MAGI2: variants seen among roughly 807,000 people sequenced by gnomAD.
MAGI2 encodes the protein membrane-associated guanylate kinase, WW and PDZ domain-containing protein 2.
A neutral mutation model predicts 133.3 loss-of-function variants in MAGI2; 35 were observed. That is an observed-to-expected ratio of 0.26 (90% CI 0.20 to 0.35). The LOEUF is 0.35. Among genes scored for constraint, MAGI2 ranks in the 10% least tolerant of loss-of-function variants. The pLI is 1.00. For missense variants in MAGI2, 1,636 were observed against 1,863.4 expected (o/e 0.88, Z 2.25); for synonymous variants, 729 against 710.6 (o/e 1.03, Z -0.41).
intron 21 of MAGI2, among the ~76,000 whole-genome samples, chr7:78,031,649 G>A (rs1242705498): frequency 6.6e-6 from 1 of 152,140 alleles, no homozygotes; most frequent in Non-Finnish European, 1.5e-5. Flanking sequence ...CTAGAATCGT[G>A]TTCTTCTTCT....
At chr7:79,309,094 T>C (rs1165432069) in intron 1 of MAGI2, among the ~76,000 whole-genome samples, 1 of 152,018 alleles carries the variant, frequency 6.6e-6, no homozygotes, top group Non-Finnish European at 1.5e-5. Context: ...CAAATATATA[T>C]AATATTTGCG....
intron 1 of MAGI2, among the ~76,000 whole-genome samples, chr7:79,105,598 C>A (rs951288597): frequency 6.6e-6 from 1 of 152,186 alleles, no homozygotes; most frequent in Non-Finnish European, 1.5e-5. Context: ...TGCTTCTCAG[C>A]TGCCTCTGTC....
intron 2 of MAGI2, among the ~76,000 whole-genome samples, chr7:78,928,708 T>C (rs1221202766): frequency 6.6e-6 from 1 of 152,080 alleles, no homozygotes; most frequent in Non-Finnish European, 1.5e-5. Context: ...ACATATGATA[T>C]CTTCCCATTG....
intron 6 of MAGI2, among the ~76,000 whole-genome samples, chr7:78,456,712 G>A (rs2151496644): frequency 6.6e-6 from 1 of 152,260 alleles, no homozygotes; most frequent in East Asian, 1.9e-4. Flanking sequence ...TACGGACGTA[G>A]GGATGGGAGC....
intron 6 of MAGI2, among the ~76,000 whole-genome samples, chr7:78,383,375 T>A (rs937920930): frequency 4.6e-5 from 7 of 152,118 alleles, no homozygotes; most frequent in African/African-American, 1.7e-4. Flanking sequence ...TGATACTGAT[T>A]ATTTTTTACA....
intron 10 of MAGI2, among the ~76,000 whole-genome samples, chr7:78,237,868 C>T (rs548780138): frequency 6.6e-6 from 1 of 152,282 alleles, no homozygotes; most frequent in South Asian, 2.1e-4. Flanking sequence ...GTGACCAAAA[C>T]ACTAATATTG....
At chr7:78,903,172 CTTTTTTTTTTTTTTTTTTTT>C (rs10526268) in intron 2 of MAGI2, among the ~76,000 whole-genome samples, 38 of 56,120 alleles carry the variant, frequency 6.8e-4, no homozygotes, top group East Asian at 1.4e-3. Flanking sequence ...GTTCCTGAAT[CTTTTTTTTTTTTTTTTTTTT>C]TTTTTTTTTT....
chr7:78,451,302 G>C lies in MAGI2; in HGVS notation c.1045+38459C>G, dbSNP rs187928919. On this transcript the variant is annotated intron_variant, in intron 6 of 21. Coordinates refer to ENST00000354212, the MANE Select transcript of MAGI2 (RefSeq NM_012301.4). ...TTAAATAATATACATTTCTAATATT[G>C]CATTAGAAACGAGAGGGTTCCTCCT... Among the ~76,000 whole-genome samples, 167 of 152,122 alleles carry C rather than the reference G, an allele frequency of 1.1e-3. 1 individual carries two copies. The highest frequency in any genetic ancestry group is 3.9e-3 in the African/African-American group (161 of 41,496).
At chr7:79,050,208 G>A (rs1812550124) in intron 1 of MAGI2, among the ~76,000 whole-genome samples, 1 of 151,992 alleles carries the variant, frequency 6.6e-6, no homozygotes. Context: ...CACACGTGGG[G>A]GCTGGCTTGA....
At chr7:78,697,712 C>G (rs910229081) in intron 2 of MAGI2, among the ~76,000 whole-genome samples, 13 of 152,060 alleles carry the variant, frequency 8.5e-5, no homozygotes, top group African/African-American at 3.1e-4. Context: ...TCCTAAAATG[C>G]TCTGCCATTT....
chr7:78,775,370 T>A (rs964807493), intron 2 of MAGI2, among the ~76,000 whole-genome samples: 24 of 84,918 alleles, frequency 2.8e-4, no homozygotes, highest in African/African-American at 8.9e-4. Context: ...AGCCTAAAGG[T>A]CAAAGGCAGG....
At chr7:78,097,356 A>T (rs962923520) in intron 20 of MAGI2, among the ~76,000 whole-genome samples, 1 of 152,192 alleles carries the variant, frequency 6.6e-6, no homozygotes, top group Non-Finnish European at 1.5e-5. Context: ...ATAAAGACAC[A>T]TGCATGTGAA....
At chr7:78,839,494 C>A (rs998861992) in intron 2 of MAGI2, among the ~76,000 whole-genome samples, 1 of 152,028 alleles carries the variant, frequency 6.6e-6, no homozygotes, top group Non-Finnish European at 1.5e-5. Flanking sequence ...CTTTCTGGCA[C>A]TGGGTAATTT....
At chr7:79,448,253 A>T (rs1031781478) in intron 1 of MAGI2, among the ~76,000 whole-genome samples, 1 of 152,058 alleles carries the variant, frequency 6.6e-6, no homozygotes, top group African/African-American at 2.4e-5. Flanking sequence ...TATTGATATT[A>T]TTCTTCAAAT....
intron 21 of MAGI2, among the ~76,000 whole-genome samples, chr7:78,075,117 G>C (rs1328178505): frequency 6.6e-6 from 1 of 152,216 alleles, no homozygotes; most frequent in Non-Finnish European, 1.5e-5. Flanking sequence ...TGGAAGTGTG[G>C]TATGTGCTGG....
chr7:78,776,597 T>C (rs1022431721), intron 2 of MAGI2, among the ~76,000 whole-genome samples: 1 of 152,264 alleles, frequency 6.6e-6, no homozygotes, highest in African/African-American at 2.4e-5. Flanking sequence ...CCATGGAACA[T>C]TTCTGCACAT....
chr7:78,629,018 T>C (rs543106185), intron 2 of MAGI2, among the ~76,000 whole-genome samples: 16 of 152,274 alleles, frequency 1.1e-4, no homozygotes, highest in African/African-American at 3.6e-4. Flanking sequence ...GCTTGCAGTA[T>C]GGCAATGCAT....
chr7:79,237,708 C>T (rs1254898113), intron 1 of MAGI2, among the ~76,000 whole-genome samples: 1 of 152,180 alleles, frequency 6.6e-6, no homozygotes, highest in East Asian at 1.9e-4. Context: ...AGCATTTTAT[C>T]ATAGCCCTAA....
At chr7:78,965,142 C>A (rs541512170) in intron 2 of MAGI2, among the ~76,000 whole-genome samples, 1 of 151,144 alleles carries the variant, frequency 6.6e-6, no homozygotes, top group African/African-American at 2.4e-5. Context: ...TGTATAAAAA[C>A]AAGTACTTTC....
Sources: allele counts gnomAD v4.1 joint callset (sites outside exome capture counted in the v4.1 genomes callset), GRCh38; gene constraint gnomAD v4.1.1; transcripts MANE v1.5; gene names NCBI Gene and HGNC (gene_info 2026-07-23, HGNC 2026-07-21).